Variants in ABCA12 observed in about 807,000 individuals in gnomAD.
ABCA12 encodes the protein ATP binding cassette subfamily A member 12, also known as glucosylceramide transporter ABCA12.
A neutral mutation model predicts 293.5 loss-of-function variants in ABCA12; 156 were observed. That is an observed-to-expected ratio of 0.53 (90% CI 0.47 to 0.61). The LOEUF (loss-of-function observed/expected upper bound fraction) is 0.61. ABCA12 is among the 20% of genes least tolerant of loss of function. The probability of loss-of-function intolerance (pLI) is 0.00; values close to 1 mark genes in which losing one functional copy is unlikely to be tolerated. For missense variants in ABCA12, 2,797 were observed against 3,090.2 expected (o/e 0.91, Z 2.25); for synonymous variants, 1,063 against 1,108.0 (o/e 0.96, Z 0.81).
chr2:214,980,613 A>C lies in ABCA12; in HGVS notation c.4610T>G (p.Leu1537Trp). The change falls in exon 31 of 53, where the codon TTG becomes TGG. Residue 1537 changes from leucine to tryptophan, a missense_variant. Coordinates refer to ENST00000272895, the MANE Select transcript of ABCA12 (RefSeq NM_173076.3). ...GTCACTCAGCACTTCAGCCTCGTCC[A>C]AGTGGTGCGTTGACAGAATGATTGT... ...ARTIILSTHHLDEAEVLSDRI... is the reference protein window; with the variant it reads ...ARTIILSTHHWDEAEVLSDRI... 1 of 1,614,108 alleles carries C rather than the reference A, an allele frequency of 6.2e-7. No individual in the cohort carries two copies. Among genetic ancestry groups the C allele is most frequent in the South Asian group, 1.1e-5 (1 of 91,086 alleles).
intron 51 of ABCA12, among the ~76,000 whole-genome samples, chr2:214,937,251 T>C (rs946820184): frequency 3.9e-5 from 6 of 152,196 alleles, no homozygotes; most frequent in Non-Finnish European, 8.8e-5. Flanking sequence ...CAGGCTGGAG[T>C]GCAGTGGCAT....
intron 7 of ABCA12, among the ~76,000 whole-genome samples, chr2:215,045,052 G>C (rs1701173572): frequency 2.0e-5 from 3 of 152,100 alleles, no homozygotes; most frequent in Non-Finnish European, 4.4e-5. Context: ...AATACTGTTT[G>C]TTGTAAGATT....
chr2:214,972,434 G>A (rs559657389), intron 36 of ABCA12, among the ~76,000 whole-genome samples: 4 of 152,104 alleles, frequency 2.6e-5, no homozygotes, highest in African/African-American at 4.8e-5. Context: ...TTTGAGACAG[G>A]GTCTCTCTCT....
chr2:214,932,760 T>C lies in ABCA12; in HGVS notation c.7681-19A>G. 1 of 1,575,796 alleles carries C rather than the reference T, an allele frequency of 6.3e-7. No individual in the cohort carries two copies. The highest frequency in any genetic ancestry group is 8.7e-7 in the Non-Finnish European group (1 of 1,145,606). ...TGAAAACCTGATTTTTCAGGGAAAATAAAGCCATTAATGCCTGGTAAGCCA... is the reference window on the plus strand; with the variant it reads ...TGAAAACCTGATTTTTCAGGGAAAACAAAGCCATTAATGCCTGGTAAGCCA... On this transcript the variant is annotated intron_variant, in intron 52 of 52. Coordinates refer to ENST00000272895, the MANE Select transcript of ABCA12 (RefSeq NM_173076.3).
rs552185576 is a variant in ABCA12 at position 214,997,481 on chromosome 2, T to A, written c.3294+214A>T. Among the ~76,000 whole-genome samples, 11 of 152,332 alleles carry A rather than the reference T, an allele frequency of 7.2e-5. No homozygotes were observed. In the South Asian group the frequency reaches 2.3e-3, roughly 32 times the overall value. ...TCATATTTTATTCAGATGTTGTTTTTCAAAAGCACTTATTAAGTGACTTTT... is the reference window on the plus strand; with the variant it reads ...TCATATTTTATTCAGATGTTGTTTTACAAAAGCACTTATTAAGTGACTTTT... On this transcript the variant is annotated intron_variant, in intron 23 of 52. Coordinates refer to ENST00000272895, the MANE Select transcript of ABCA12 (RefSeq NM_173076.3).
intron 40 of ABCA12, among the ~76,000 whole-genome samples, chr2:214,958,697 A>G (rs112412180): frequency 2.6e-5 from 4 of 152,272 alleles, no homozygotes; most frequent in Admixed American, 1.3e-4. Context: ...TCGGTCTCCA[A>G]CGGTTACAGA....
intron 2 of ABCA12, among the ~76,000 whole-genome samples, chr2:215,103,525 C>T (rs1702402212): frequency 6.6e-6 from 1 of 152,156 alleles, no homozygotes; most frequent in Non-Finnish European, 1.5e-5. Context: ...CCAACTCAGC[C>T]TCCCACAAGT....
At chr2:214,940,314 C>T (rs557461957) in intron 50 of ABCA12, among the ~76,000 whole-genome samples, 4 of 152,158 alleles carry the variant, frequency 2.6e-5, no homozygotes, top group Non-Finnish European at 4.4e-5. Flanking sequence ...GAGATGAAGC[C>T]GACTTGATCA....
chr2:214,960,900 C>G (rs1487444297), intron 39 of ABCA12, among the ~76,000 whole-genome samples: 2 of 151,912 alleles, frequency 1.3e-5, no homozygotes, highest in Non-Finnish European at 2.9e-5. Context: ...CTAGAGGGAA[C>G]CACATGAATA....
chr2:214,975,677 T>C (rs539890296), intron 34 of ABCA12, 108 bp downstream of exon 34: 25 of 1,451,622 alleles, frequency 1.7e-5, no homozygotes, highest in East Asian at 9.1e-5. Context: ...TCAGGTACCA[T>C]GGCTTCTAAG....
At chr2:214,933,983 A>G in intron 52 of ABCA12, 95 bp downstream of exon 52, 1 of 1,345,120 alleles carries the variant, frequency 7.4e-7, no homozygotes, top group Non-Finnish European at 1.0e-6. Context: ...TAATTCAATT[A>G]AAAACAAATT....
chr2:215,010,601 G>T (rs1700350659), intron 17 of ABCA12, 131 bp from the exon 18 acceptor site: 1 of 1,037,738 alleles, frequency 9.6e-7, no homozygotes, highest in Admixed American at 2.1e-5. Flanking sequence ...ATTATTAACA[G>T]ATGTGAGGCA....
At chr2:215,066,287 G>A (rs185775928) in intron 2 of ABCA12, among the ~76,000 whole-genome samples, 55 of 152,188 alleles carry the variant, frequency 3.6e-4, no homozygotes, top group Non-Finnish European at 6.8e-4. Flanking sequence ...AACACATGGA[G>A]TGGCTGATTT....
At chr2:214,949,498 A>T (rs1209181850) in intron 45 of ABCA12, among the ~76,000 whole-genome samples, 2 of 152,116 alleles carry the variant, frequency 1.3e-5, no homozygotes, top group Admixed American at 6.6e-5. Context: ...AAGTAATTAT[A>T]TTTATACATT....
chr2:215,128,193 T>C (rs145258032), intron 1 of ABCA12, among the ~76,000 whole-genome samples: 13 of 152,340 alleles, frequency 8.5e-5, no homozygotes, highest in African/African-American at 2.9e-4. Context: ...TTTTCCTTTA[T>C]AGGTTACCTG....
intron 2 of ABCA12, among the ~76,000 whole-genome samples, chr2:215,091,618 T>C (rs1360787695): frequency 6.6e-6 from 1 of 152,108 alleles, no homozygotes; most frequent in Admixed American, 6.5e-5. Flanking sequence ...ACTCTCGACA[T>C]TAGAAAAAGC....
chr2:215,033,940 C>CA (rs1281157166), intron 8 of ABCA12, among the ~76,000 whole-genome samples: 15 of 149,580 alleles, frequency 1.0e-4, no homozygotes, highest in African/African-American at 3.2e-4. Flanking sequence ...GACTCCGTCT[C>CA]AAAAAATAAA....
At chr2:215,004,362 C>G (rs1225850380) in intron 19 of ABCA12, 63 bp from the exon 20 acceptor site, 1 of 1,239,024 alleles carries the variant, frequency 8.1e-7, no homozygotes, top group Non-Finnish European at 1.2e-6. Flanking sequence ...CATTGTCTCT[C>G]TAATAACCAC....
At position 215,108,682 on chromosome 2, in the gene ABCA12, A is replaced by G. The variant is rs1443254346; in HGVS notation, c.163+2915T>C. On this transcript the variant is annotated intron_variant, in intron 2 of 52. Transcript: ENST00000272895. ...TAATCTTTCAGCATAAAAGACATACATGAGAAACAAAGAAAAACAAGAGCA... is the reference window on the plus strand; with the variant it reads ...TAATCTTTCAGCATAAAAGACATACGTGAGAAACAAAGAAAAACAAGAGCA... Among the ~76,000 whole-genome samples the G allele has an allele frequency of 2.6e-5, 4 of 152,236 alleles. No homozygotes were observed. The South Asian group carries it at 8.3e-4, about 31-fold the overall frequency.
Sources: allele counts gnomAD v4.1 joint callset (sites outside exome capture counted in the v4.1 genomes callset), GRCh38; gene constraint gnomAD v4.1.1; transcripts MANE v1.5; gene names NCBI Gene and HGNC (gene_info 2026-07-23, HGNC 2026-07-21).